The following PCLO variants were observed in gnomAD, a reference collection of about 807,000 sequenced individuals.
PCLO encodes protein piccolo.
Under a neutral mutation model 427.5 loss-of-function variants are expected in PCLO, and 82 were observed. The observed-to-expected ratio is 0.19, with a 90% confidence interval of 0.16 to 0.23. The LOEUF is 0.23. Ranked by LOEUF, PCLO falls within the 10% of genes least tolerant of loss-of-function variation. The pLI, the probability that PCLO is intolerant of heterozygous loss-of-function variation, is 1.00. For missense variants in PCLO, 6,239 were observed against 6,115.9 expected, an observed-to-expected ratio of 1.02 and a Z score of -0.67; for synonymous variants, 2,357 against 2,155.4, an observed-to-expected ratio of 1.09 and a Z score of -2.59.
chr7:83,096,685 CAAAT>C (rs1359832236), intron 3 of PCLO, among the ~76,000 whole-genome samples: 1 of 100,994 alleles, frequency 9.9e-6, no homozygotes, highest in East Asian at 4.5e-4. Context: ...ATTTTTTAAA[CAAAT>C]AAAGTAAACC....
chr7:82,794,373 T>TA, intron 22 of PCLO, among the ~76,000 whole-genome samples: 1 of 151,270 alleles, frequency 6.6e-6, no homozygotes, highest in Non-Finnish European at 1.5e-5. Context: ...TGTTTTTTAA[T>TA]AATTATAAGT....
intron 9 of PCLO, among the ~76,000 whole-genome samples, chr7:82,898,087 A>C (rs1267992718): frequency 2.0e-5 from 3 of 151,564 alleles, no homozygotes; most frequent in Admixed American, 2.0e-4. Flanking sequence ...TGCTGTTTTA[A>C]ATTTTTGTAA....
chr7:83,019,276 C>T (rs570571762), intron 3 of PCLO, among the ~76,000 whole-genome samples: 3 of 151,936 alleles, frequency 2.0e-5, no homozygotes, highest in African/African-American at 7.2e-5. Flanking sequence ...TATTTTAAAT[C>T]TTTTGCGGGG....
At chr7:83,096,908 T>A (rs182218660) in intron 3 of PCLO, among the ~76,000 whole-genome samples, 18 of 41,840 alleles carry the variant, frequency 4.3e-4, no homozygotes, top group African/African-American at 3.3e-3. Context: ...AATATTATAT[T>A]ATCTAAATAT....
chr7:82,760,614 T>C, intron 24 of PCLO, 25 bp downstream of exon 24: 1 of 1,478,004 alleles, frequency 6.8e-7, no homozygotes, highest in Non-Finnish European at 9.1e-7. Flanking sequence ...AAGTTTCAAA[T>C]ATGAACTACA....
At chr7:83,089,615 A>G (rs985008320) in intron 3 of PCLO, among the ~76,000 whole-genome samples, 1 of 152,164 alleles carries the variant, frequency 6.6e-6, no homozygotes, top group Admixed American at 6.5e-5. Flanking sequence ...GTATTTATCA[A>G]ACTTCCCACT....
At chr7:83,150,937 C>T (rs1009468387) in intron 2 of PCLO, among the ~76,000 whole-genome samples, 2 of 152,116 alleles carry the variant, frequency 1.3e-5, no homozygotes, top group Admixed American at 6.5e-5. Context: ...TTGGAAGATG[C>T]AGATTTACTT....
chr7:82,983,161 C>T (rs982021456), intron 3 of PCLO, among the ~76,000 whole-genome samples: 7 of 151,154 alleles, frequency 4.6e-5, no homozygotes, highest in Non-Finnish European at 1.0e-4. Flanking sequence ...ACATTGAGTA[C>T]AAAAAATTGC....
intron 3 of PCLO, among the ~76,000 whole-genome samples, chr7:83,119,316 G>C (rs1489803734): frequency 6.6e-6 from 1 of 152,124 alleles, no homozygotes; most frequent in East Asian, 1.9e-4. Context: ...GCCCAGCACA[G>C]AGAGAGAGGC....
chr7:82,971,197 C>T lies in PCLO; in HGVS notation c.3301-4710G>A, dbSNP rs116628049. On this transcript the variant is annotated intron_variant, in intron 3 of 24. Transcript: ENST00000333891. ...CAATTAAACAAAATTATTTCACTTA[C>T]GTAACAACTCAATGTATCAATGCCA... Among the ~76,000 whole-genome samples the T allele has an allele frequency of 1.7e-3, 255 of 151,878 alleles. 1 individual carries two copies. Among genetic ancestry groups the T allele is most frequent in the African/African-American group, 5.6e-3 (234 of 41,538 alleles).
At chr7:82,821,958 G>A (rs532931417) in intron 20 of PCLO, 1 of 985,694 alleles carries the variant, frequency 1.0e-6, no homozygotes, top group African/African-American at 1.7e-5. Flanking sequence ...GTGTTTTAAA[G>A]CACTGTCTTG....
At chr7:83,087,712 T>A (rs2116424590) in intron 3 of PCLO, among the ~76,000 whole-genome samples, 1 of 152,224 alleles carries the variant, frequency 6.6e-6, no homozygotes, top group African/African-American at 2.4e-5. Flanking sequence ...AAGTAAATGT[T>A]ATTAAACCTA....
At chr7:83,022,750 T>C (rs1788376722) in intron 3 of PCLO, among the ~76,000 whole-genome samples, 1 of 152,162 alleles carries the variant, frequency 6.6e-6, no homozygotes, top group Non-Finnish European at 1.5e-5. Context: ...TTCTTTAAAT[T>C]AGAAAAGGTT....
At chr7:82,928,747 C>T (rs946698376) in intron 6 of PCLO, among the ~76,000 whole-genome samples, 7 of 152,074 alleles carry the variant, frequency 4.6e-5, no homozygotes, top group Admixed American at 4.6e-4. Flanking sequence ...TATCGAGAAG[C>T]TATGGGAAGC....
intron 6 of PCLO, among the ~76,000 whole-genome samples, chr7:82,930,422 G>T (rs1433655578): frequency 6.6e-6 from 1 of 152,018 alleles, no homozygotes; most frequent in Non-Finnish European, 1.5e-5. Context: ...TTGAAGTTCA[G>T]AAATGACAAC....
chr7:83,137,456 A>T (rs1459209575), intron 2 of PCLO, among the ~76,000 whole-genome samples: 2 of 152,160 alleles, frequency 1.3e-5, no homozygotes, highest in Non-Finnish European at 2.9e-5. Flanking sequence ...TTAGAGATGG[A>T]GTCTCGCTCT....
intron 23 of PCLO, 131 bp downstream of exon 23, chr7:82,761,228 A>T (rs1018526554): frequency 1.8e-6 from 1 of 557,450 alleles, no homozygotes; most frequent in African/African-American, 1.9e-5. Context: ...AACTTGTTAC[A>T]TATGTTAATC....
chr7:82,914,596 G>C, intron 7 of PCLO, 90 bp downstream of exon 7: 3 of 1,264,782 alleles, frequency 2.4e-6, no homozygotes, highest in African/African-American at 1.5e-5. Context: ...AAGAAAAGTA[G>C]GATACATCTC....
intron 22 of PCLO, among the ~76,000 whole-genome samples, chr7:82,792,928 A>T (rs1488085056): frequency 6.6e-6 from 1 of 151,940 alleles, no homozygotes; most frequent in East Asian, 1.9e-4. Flanking sequence ...TGCCTCTTTA[A>T]TATTCATTTT....
Sources: allele counts gnomAD v4.1 joint callset (sites outside exome capture counted in the v4.1 genomes callset), GRCh38; gene constraint gnomAD v4.1.1; transcripts MANE v1.5; gene names NCBI Gene and HGNC (gene_info 2026-07-23, HGNC 2026-07-21).